CTNNA3: variants seen among roughly 807,000 people sequenced by gnomAD.
CTNNA3 encodes the protein catenin alpha 3, also known as catenin alpha-3.
CTNNA3 carries 76 observed loss-of-function variants against 95.7 expected under a neutral mutation model. The observed-to-expected ratio is 0.79, with a 90% CI of 0.66 to 0.96. The LOEUF is 0.96. Among genes scored for constraint, CTNNA3 ranks in the 40% least tolerant of loss-of-function variants. The pLI is 0.00. For synonymous variants in CTNNA3, 431 were observed against 374.4 expected, an observed-to-expected ratio of 1.15 and a Z score of -1.74; for missense variants, 1,191 against 1,089.8, an observed-to-expected ratio of 1.09 and a Z score of -1.31.
chr10:66,436,613 C>G (rs1383841936), intron 11 of CTNNA3, among the ~76,000 whole-genome samples: 1 of 146,432 alleles, frequency 6.8e-6, no homozygotes, highest in Non-Finnish European at 1.5e-5. Context: ...CTCCTGAATA[C>G]AGGACACCTA....
intron 5 of CTNNA3, among the ~76,000 whole-genome samples, chr10:67,470,986 T>A (rs1006270572): frequency 3.3e-5 from 5 of 151,780 alleles, no homozygotes; most frequent in East Asian, 3.9e-4. Context: ...TTATTTATTT[T>A]TGTATTTTTT....
chr10:66,194,264 C>T (rs969428795), intron 13 of CTNNA3, among the ~76,000 whole-genome samples: 1 of 152,142 alleles, frequency 6.6e-6, no homozygotes, highest in Non-Finnish European at 1.5e-5. Context: ...TAAACATTTG[C>T]TGTGCCCAAA....
At chr10:67,703,983 C>T (rs1380882289) in intron 1 of CTNNA3, among the ~76,000 whole-genome samples, 4 of 152,136 alleles carry the variant, frequency 2.6e-5, no homozygotes, top group African/African-American at 9.7e-5. Context: ...ACACCAATAA[C>T]AGACAAACAG....
At chr10:66,335,542 G>C (rs537079673) in intron 12 of CTNNA3, among the ~76,000 whole-genome samples, 1 of 152,238 alleles carries the variant, frequency 6.6e-6, no homozygotes, top group Admixed American at 6.5e-5. Flanking sequence ...CTGCAGAACA[G>C]TGGATATTGG....
intron 7 of CTNNA3, among the ~76,000 whole-genome samples, chr10:66,833,151 G>C (rs1342895410): frequency 6.6e-6 from 1 of 152,172 alleles, no homozygotes; most frequent in Non-Finnish European, 1.5e-5. Flanking sequence ...CATGTTGCTA[G>C]GTAGTCCTCT....
chr10:66,364,889 G>A (rs2202650), intron 12 of CTNNA3, among the ~76,000 whole-genome samples: 143,487 of 152,234 alleles, frequency 0.94, 68,175 homozygotes, highest in East Asian at 1. Context: ...CTAAAATGAT[G>A]AAACCATGTT....
chr10:67,284,414 C>T (rs1404738899), intron 5 of CTNNA3, among the ~76,000 whole-genome samples: 1 of 152,032 alleles, frequency 6.6e-6, no homozygotes, highest in African/African-American at 2.4e-5. Flanking sequence ...ATTCATGCAA[C>T]CAAATTAGTA....
At chr10:66,676,476 A>G (rs1846860492) in intron 9 of CTNNA3, among the ~76,000 whole-genome samples, 1 of 152,082 alleles carries the variant, frequency 6.6e-6, no homozygotes, top group Non-Finnish European at 1.5e-5. Flanking sequence ...TCAATCACGC[A>G]TGACAGGAAA....
intron 7 of CTNNA3, among the ~76,000 whole-genome samples, chr10:67,049,508 C>T (rs1210179519): frequency 6.6e-6 from 1 of 151,986 alleles, no homozygotes; most frequent in Non-Finnish European, 1.5e-5. Flanking sequence ...ATTTACTCAC[C>T]CAGTTTACTG....
intron 6 of CTNNA3, among the ~76,000 whole-genome samples, chr10:67,191,202 T>C (rs955483867): frequency 4.6e-5 from 7 of 151,956 alleles, no homozygotes; most frequent in African/African-American, 1.7e-4. Context: ...TTAAACATAT[T>C]GTCCCACTCT....
At chr10:66,691,322 T>C (rs10822881) in intron 9 of CTNNA3, among the ~76,000 whole-genome samples, 136,502 of 152,174 alleles carry the variant, frequency 0.9, 61,417 homozygotes, top group East Asian at 1. Flanking sequence ...ACACATGGCT[T>C]GCAGGGTCCT....
intron 12 of CTNNA3, among the ~76,000 whole-genome samples, chr10:66,351,846 ATTATT>A (rs1365839377): frequency 6.6e-6 from 1 of 152,010 alleles, no homozygotes; most frequent in Non-Finnish European, 1.5e-5. Flanking sequence ...GAAAATCTGA[ATTATT>A]TTATAGTACA....
chr10:67,751,578 T>A (rs1841407705), intron 1 of CTNNA3, among the ~76,000 whole-genome samples: 2 of 151,518 alleles, frequency 1.3e-5, no homozygotes, highest in African/African-American at 2.4e-5. Context: ...ACTAGACTAA[T>A]GAAGAAGAAG....
intron 9 of CTNNA3, among the ~76,000 whole-genome samples, chr10:66,666,368 C>CT (rs1589095365): frequency 6.6e-6 from 1 of 152,118 alleles, no homozygotes; most frequent in Non-Finnish European, 1.5e-5. Flanking sequence ...GGGTCAAGTA[C>CT]TTTAGTAACA....
intron 13 of CTNNA3, among the ~76,000 whole-genome samples, chr10:66,155,038 T>C (rs2084418419): frequency 6.6e-6 from 1 of 151,754 alleles, no homozygotes; most frequent in Non-Finnish European, 1.5e-5. Flanking sequence ...ATTAAAACTT[T>C]ATTTACAAAA....
intron 7 of CTNNA3, among the ~76,000 whole-genome samples, chr10:67,148,284 G>T (rs1251094506): frequency 6.6e-6 from 1 of 152,098 alleles, no homozygotes; most frequent in African/African-American, 2.4e-5. Flanking sequence ...CTTAGGAAAA[G>T]GAAATATATT....
chr10:66,862,901 A>C (rs1324393357), intron 7 of CTNNA3, among the ~76,000 whole-genome samples: 1 of 152,132 alleles, frequency 6.6e-6, no homozygotes, highest in East Asian at 1.9e-4. Flanking sequence ...TAAATAACAA[A>C]AGTCTGCCCT....
chr10:66,728,556 A>C (rs1268906598), intron 9 of CTNNA3, among the ~76,000 whole-genome samples: 1 of 151,788 alleles, frequency 6.6e-6, no homozygotes, highest in East Asian at 1.9e-4. Flanking sequence ...GCGTTTTTAT[A>C]TTACAGTTTT....
intron 10 of CTNNA3, among the ~76,000 whole-genome samples, chr10:66,521,602 C>T (rs1450467034): frequency 4.6e-5 from 7 of 152,094 alleles, no homozygotes; most frequent in African/African-American, 1.7e-4. Context: ...CATTCTTGGG[C>T]ATATTTCTGT....
Sources: allele counts gnomAD v4.1 joint callset (sites outside exome capture counted in the v4.1 genomes callset), GRCh38; gene constraint gnomAD v4.1.1; transcripts MANE v1.5; gene names NCBI Gene and HGNC (gene_info 2026-07-23, HGNC 2026-07-21).